NME9: variants seen among roughly 807,000 people sequenced by gnomAD.
NME9 encodes NME/NM23 family member 9, also known as thioredoxin domain-containing protein 6.
In NME9, 48 loss-of-function variants were observed where a neutral mutation model predicts 44.4. That is an observed-to-expected ratio of 1.08 (90% CI 0.86 to 1.37). The LOEUF is 1.37. Among genes scored for constraint, NME9 ranks in the 40% most tolerant of loss-of-function variants. The pLI, the probability that NME9 is intolerant of heterozygous loss-of-function variation, is 0.00. For missense variants in NME9, 325 were observed against 405.2 expected (o/e 0.80, Z 1.70); for synonymous variants, 139 against 147.1 (o/e 0.94, Z 0.40).
intron 8 of NME9, chr3:138,263,946 T>C (rs1393153520): frequency 2.9e-6 from 3 of 1,036,524 alleles, no homozygotes; most frequent in Admixed American, 1.8e-5. Context: ...GGTGAATTCA[T>C]AGAGTATATA....
At chr3:138,291,712 A>C (rs1416209774) in intron 8 of NME9, among the ~76,000 whole-genome samples, 1 of 152,250 alleles carries the variant, frequency 6.6e-6, no homozygotes, top group Non-Finnish European at 1.5e-5. Context: ...ATGATCAGAG[A>C]CCTGAATGAA....
At position 138,309,595 on chromosome 3, in the gene NME9, G is replaced by A. The variant is rs913759247; in HGVS notation, c.461-3115C>T. On this transcript the variant is annotated intron_variant, in intron 6 of 10. Transcript: ENST00000333911. Reference sequence around the variant, plus strand: ...AGCTACCCAGGAGGCTGAGGCATGAGAATCACCTGAGCCCAGGAGGCGGAG... The same window carrying A: ...AGCTACCCAGGAGGCTGAGGCATGAAAATCACCTGAGCCCAGGAGGCGGAG... Among the ~76,000 whole-genome samples, 5 of 152,328 alleles carry A rather than the reference G, an allele frequency of 3.3e-5. No homozygotes were observed. The East Asian group carries it at 7.7e-4, about 24-fold the overall frequency.
At chr3:138,278,236 G>A (rs1463096752) in intron 8 of NME9, among the ~76,000 whole-genome samples, 4 of 152,152 alleles carry the variant, frequency 2.6e-5, no homozygotes, top group South Asian at 2.1e-4. Flanking sequence ...GGCCAGGCAC[G>A]GTGGCTCACA....
intron 8 of NME9, chr3:138,270,074 G>T (rs1210274636): frequency 6.2e-7 from 1 of 1,613,322 alleles, no homozygotes; most frequent in Non-Finnish European, 8.5e-7. Flanking sequence ...GAGCTACTTT[G>T]TGGATTAACT....
intron 5 of NME9, among the ~76,000 whole-genome samples, chr3:138,314,631 G>A (rs1303546701): frequency 1.3e-5 from 2 of 152,188 alleles, no homozygotes; most frequent in Non-Finnish European, 2.9e-5. Context: ...AAGTTTTAGA[G>A]TCTGCCTCTT....
rs368901147 is a variant in NME9 at position 138,262,508 on chromosome 3, G to A, written c.*32C>T. On this transcript the variant is annotated 3_prime_UTR_variant, in exon 9 of 9. Transcript: ENST00000317876. ...ATCCTGAGGTTTTCCACTCTCTCATGTTCTAAGGTCAGACTTCTGAATCCT... is the reference window on the plus strand; with the variant it reads ...ATCCTGAGGTTTTCCACTCTCTCATATTCTAAGGTCAGACTTCTGAATCCT... 67 of 1,604,078 alleles carry A rather than the reference G, an allele frequency of 4.2e-5. No individual in the cohort carries two copies. In the African/African-American group the frequency reaches 7.8e-4, roughly 19 times the overall value.
chr3:138,289,477 A>G (rs1484737235), intron 8 of NME9, among the ~76,000 whole-genome samples: 1 of 152,200 alleles, frequency 6.6e-6, no homozygotes, highest in African/African-American at 2.4e-5. Context: ...GAGCAGAGGA[A>G]GCACATATGA....
intron 8 of NME9, among the ~76,000 whole-genome samples, chr3:138,285,533 T>C (rs2050326105): frequency 1.3e-5 from 2 of 152,194 alleles, no homozygotes; most frequent in Admixed American, 6.5e-5. Flanking sequence ...TGGAACACTT[T>C]TCTTCTCTCT....
At chr3:138,284,556 T>C (rs1417002249) in intron 8 of NME9, 1 of 1,494,574 alleles carries the variant, frequency 6.7e-7, no homozygotes. Context: ...CACCGTAGGA[T>C]TAGAATGCAG....
At chr3:138,318,080 G>A (rs2053209618) in intron 4 of NME9, 68 bp downstream of exon 4, 3 of 970,456 alleles carry the variant, frequency 3.1e-6, no homozygotes, top group Non-Finnish European at 5.1e-6. Flanking sequence ...ATGTCAGTGA[G>A]ATGCTTCTAT....
chr3:138,262,595 AT>A (rs779543126), intron 8 of NME9: 7 of 1,560,912 alleles, frequency 4.5e-6, no homozygotes, highest in Non-Finnish European at 5.2e-6. Flanking sequence ...ACCTGAGGAG[AT>A]TAAAAAAAAA....
intron 9 of NME9, 66 bp from the exon 10 acceptor site, chr3:138,303,709 G>A: frequency 2.0e-6 from 3 of 1,490,858 alleles, no homozygotes; most frequent in South Asian, 2.3e-5. Flanking sequence ...TTTGCTTTCT[G>A]GCAACATGAT....
chr3:138,274,603 T>C (rs1281241808), intron 8 of NME9: 1 of 1,262,704 alleles, frequency 7.9e-7, no homozygotes, highest in Non-Finnish European at 1.2e-6. Flanking sequence ...AGGAAGTTCT[T>C]AAGAGTCTCC....
chr3:138,269,957 C>A (rs2048634683), intron 8 of NME9: 1 of 811,986 alleles, frequency 1.2e-6, no homozygotes, highest in South Asian at 1.9e-5. Context: ...GGGAAGAAAT[C>A]ACAAAGTGCC....
intron 8 of NME9, chr3:138,263,796 G>A: frequency 1.2e-6 from 2 of 1,613,998 alleles, no homozygotes; most frequent in Non-Finnish European, 1.7e-6. Flanking sequence ...TGAGTCTAGT[G>A]TCAAGGTGCG....
intron 2 of NME9, chr3:138,324,260 T>C (rs2053639002): frequency 3.0e-6 from 1 of 330,504 alleles, no homozygotes; most frequent in South Asian, 2.5e-5. Flanking sequence ...AATCTGCTCC[T>C]CGTTGAGCCT....
intron 8 of NME9, chr3:138,288,907 G>T (rs982665397): frequency 4.8e-6 from 3 of 627,354 alleles, no homozygotes; most frequent in Admixed American, 5.4e-5. Context: ...AAAGTGCTGG[G>T]ATTACAGGCA....
intron 10 of NME9, among the ~76,000 whole-genome samples, chr3:138,303,083 T>C (rs1577114661): frequency 6.6e-6 from 1 of 152,232 alleles, no homozygotes; most frequent in African/African-American, 2.4e-5. Flanking sequence ...AGGCTCCAGG[T>C]TGAGGGCCCT....
intron 8 of NME9, 114 bp downstream of exon 8, chr3:138,305,890 C>T: frequency 1.3e-6 from 1 of 744,770 alleles, no homozygotes; most frequent in South Asian, 1.6e-5. Flanking sequence ...ACTTGCTGTT[C>T]CTATTTTGGT....
Sources: allele counts gnomAD v4.1 joint callset (sites outside exome capture counted in the v4.1 genomes callset), GRCh38; gene constraint gnomAD v4.1.1; transcripts MANE v1.5; gene names NCBI Gene and HGNC (gene_info 2026-07-23, HGNC 2026-07-21).